VEGFA: variants seen among roughly 807,000 people sequenced by gnomAD.
VEGFA encodes vascular endothelial growth factor A, long form.
A neutral mutation model predicts 49.7 loss-of-function variants in VEGFA; 20 were observed. The ratio of observed to expected loss-of-function variants is 0.40; its 90% CI spans 0.28 to 0.58. VEGFA has a LOEUF of 0.58. Among genes scored for constraint, VEGFA ranks in the 20% least tolerant of loss-of-function variants. The pLI is 0.40. For synonymous variants in VEGFA, 219 were observed against 223.4 expected, an observed-to-expected ratio of 0.98 and a Z score of 0.18; for missense variants, 505 against 553.5, an observed-to-expected ratio of 0.91 and a Z score of 0.88.
chr6:43,770,965 C>A lies in VEGFA; in HGVS notation c.259C>A (p.Arg87=). 6.5e-7 allele frequency: 1 copy of A among 1,543,406 alleles called. No homozygotes were observed. The highest frequency in any genetic ancestry group is 2.5e-5 in the East Asian group (1 of 40,318). The stretch of plus-strand genomic sequence containing the variant: ...AGCCGCGAGAAGTGCTAGCTCGGGC[C>A]GGGAGGAGCCGCAGCCGGAGGAGGG... Residue 87 remains arginine (R), a synonymous_variant, in exon 1 of 8, where the codon CGG becomes AGG. Transcript: ENST00000672860.
intron 6 of VEGFA, chr6:43,781,220 G>T: frequency 2.6e-6 from 1 of 387,972 alleles, no homozygotes; most frequent in Non-Finnish European, 4.9e-6. Context: ...CCCAAGAAGG[G>T]CTGTGAATGA....
Position 43,770,764 on chromosome 6 carries a change from C to A in VEGFA, c.58C>A (p.Arg20=). ...CCCCAGCTACCACCTCCTCCCCGGC[C>A]GGCGGCGGACAGTGGACGCGGCGGC... Residue 20 remains arginine (R), a synonymous_variant, in exon 1 of 8, where the codon CGG becomes AGG. Coordinates refer to ENST00000672860, the MANE Select transcript of VEGFA (RefSeq NM_003376.6). The A allele has an allele frequency of 6.7e-7, 1 of 1,483,944 alleles. No homozygotes were observed. Among genetic ancestry groups the A allele is most frequent in the East Asian group, 2.8e-5 (1 of 35,704 alleles). The allele number at this position is 1,483,944 out of a possible 1,614,324, so 91.9% of individuals were successfully genotyped here. A position where few individuals can be genotyped will look rare whatever the true frequency, so the allele number is the denominator to read the frequency against.
intron 7 of VEGFA, chr6:43,782,297 G>A (rs1476318628): frequency 8.3e-6 from 6 of 726,362 alleles, no homozygotes; most frequent in African/African-American, 5.3e-5. Context: ...CCAGCCTGGC[G>A]GGGCCTGTTC....
chr6:43,778,385 G>A lies in VEGFA; in HGVS notation c.856-75G>A. 7.6e-6 allele frequency: 10 copies of A among 1,308,986 alleles called. No homozygotes were observed. The South Asian group carries it at 1.2e-4, about 16-fold the overall frequency. The allele number at this position is 1,308,986 out of a possible 1,614,324, so 81.1% of individuals were successfully genotyped here. ...AGAACCCCTGGGTGCTGAGTGGCAG[G>A]AGCCCCAGGGTTGTCCCATCTGGGT... is the stretch of plus-strand genomic sequence containing the variant. On this transcript the variant is annotated intron_variant, in intron 3 of 7. Coordinates refer to ENST00000672860, the MANE Select transcript of VEGFA (RefSeq NM_003376.6).
At chr6:43,774,054 C>T (rs1469887532) in intron 1 of VEGFA, 4 of 535,582 alleles carry the variant, frequency 7.5e-6, no homozygotes, top group African/African-American at 1.9e-5. Flanking sequence ...CAGGGGACCT[C>T]GACAGTGAAG....
chr6:43,782,338 C>G, intron 7 of VEGFA: 1 of 513,642 alleles, frequency 1.9e-6, no homozygotes, highest in Non-Finnish European at 3.5e-6. Context: ...GAGTGGTAGG[C>G]TGGTGTGGCT....
intron 5 of VEGFA, chr6:43,779,746 C>T: frequency 4.3e-6 from 2 of 461,318 alleles, no homozygotes; most frequent in South Asian, 3.1e-5. Context: ...CCCTTTGGTG[C>T]TTTCTCCTAA....
At chr6:43,781,784 C>T (rs1253645299) in intron 6 of VEGFA, 172 bp from the exon 7 acceptor site, 9 of 826,366 alleles carry the variant, frequency 1.1e-5, no homozygotes, top group Middle Eastern at 3.0e-4. Context: ...TGCCTCTTTC[C>T]GCCGCTCTCT....
intron 5 of VEGFA, chr6:43,779,526 C>A: frequency 2.6e-6 from 1 of 384,576 alleles, no homozygotes; most frequent in Non-Finnish European, 5.2e-6. Context: ...GGCAGTAACC[C>A]TTCAAGACAG....
chr6:43,779,886 A>T (rs3025011), intron 5 of VEGFA: 17,614 of 341,072 alleles, frequency 0.052, 614 homozygotes, highest in East Asian at 0.12. Flanking sequence ...GACAGGCTAC[A>T]GCCTGCCCCC....
intron 2 of VEGFA, chr6:43,774,870 G>A: frequency 5.4e-6 from 1 of 185,680 alleles, no homozygotes; most frequent in East Asian, 1.3e-4. Flanking sequence ...GCATTCCTTT[G>A]GGGGTGGAGA....
At chr6:43,776,992 T>G in intron 2 of VEGFA, 1 of 321,096 alleles carries the variant, frequency 3.1e-6, no homozygotes, top group Non-Finnish European at 6.2e-6. Flanking sequence ...GTACTCAGGA[T>G]GTAGTAAGTG....
intron 5 of VEGFA, chr6:43,779,317 G>A (rs543786725): frequency 2.5e-6 from 1 of 397,220 alleles, no homozygotes; most frequent in South Asian, 2.5e-5. Flanking sequence ...GCCTCTTTTG[G>A]TGGCTGCTGT....
At chr6:43,782,261 C>G in intron 7 of VEGFA, 174 bp downstream of exon 7, 1 of 1,002,018 alleles carries the variant, frequency 1.0e-6, no homozygotes, top group Admixed American at 2.1e-5. Flanking sequence ...CTTTTAAGGC[C>G]CCTGTGGTGG....
At chr6:43,782,174 G>C in intron 7 of VEGFA, 87 bp downstream of exon 7, 1 of 1,560,714 alleles carries the variant, frequency 6.4e-7, no homozygotes, top group Non-Finnish European at 8.7e-7. Flanking sequence ...GCGAGCGAGC[G>C]AGCGGGAGAG....
chr6:43,781,362 G>C lies in VEGFA; in HGVS notation c.1034+559G>C, dbSNP rs991654245. The C allele has an allele frequency of 1.0e-4, 26 of 259,320 alleles. 1 individual carries two copies. The highest frequency in any genetic ancestry group is 5.1e-4 in the African/African-American group (23 of 44,724). The allele number at this position is 259,320 out of a possible 1,614,324, so 16.1% of individuals were successfully genotyped here. On this transcript the variant is annotated intron_variant, in intron 6 of 7. Coordinates refer to ENST00000672860, the MANE Select transcript of VEGFA (RefSeq NM_003376.6). ...ACGGAGGTGGGGCCTCTGGAGGGGA[G>C]CCCCCTATTCCGGCCCAACCCATGG...
chr6:43,780,643 T>C, intron 5 of VEGFA, 89 bp from the exon 6 acceptor site: 5 of 1,562,954 alleles, frequency 3.2e-6, no homozygotes, highest in Middle Eastern at 2.1e-4. Context: ...TTTGCTTTGG[T>C]CGTTCCCCCA....
Position 43,777,025 on chromosome 6 carries a change from G to A in VEGFA, c.659-444G>A, listed in dbSNP as rs1765649353. 3.0e-6 allele frequency: 1 copy of A among 337,254 alleles called. No homozygotes were observed. Among genetic ancestry groups the A allele is most frequent in the African/African-American group, 2.1e-5 (1 of 46,622 alleles). 20.9% of individuals were successfully genotyped at this position (337,254 alleles called of 1,614,324 possible). A position where few individuals can be genotyped will look rare whatever the true frequency, so the allele number is the denominator to read the frequency against. ...GTGCTCAATAAACAGCTGTTGGTAT[G>A]GTTGACGTTATGGTAGTGGTTGTGG... On this transcript the variant is annotated intron_variant, in intron 2 of 7. Coordinates refer to ENST00000672860, the MANE Select transcript of VEGFA (RefSeq NM_003376.6). The surrounding 1 kb of genome is among the most constrained non-coding windows in gnomAD (Gnocchi z 4.3).
chr6:43,778,111 T>G, intron 3 of VEGFA: 1 of 463,692 alleles, frequency 2.2e-6, no homozygotes, highest in Non-Finnish European at 4.0e-6. Flanking sequence ...AGGGAGGGGG[T>G]TGCTTTCGGG....
Sources: gnomAD v4.1 joint callset for allele counts on GRCh38, gnomAD v4.1.1 for gene constraint, Gnocchi (gnomAD v3.1) non-coding constraint, MANE v1.5 for transcripts, NCBI Gene and HGNC (gene_info 2026-07-23, HGNC 2026-07-21) for gene names.